Variants in ZNF385B observed in about 807,000 individuals in gnomAD.
ZNF385B encodes zinc finger protein 533.
In ZNF385B, 23 loss-of-function variants were observed where a neutral mutation model predicts 39.2. The observed-to-expected ratio is 0.59, with a 90% CI of 0.42 to 0.83. The LOEUF is 0.83. Among genes scored for constraint, ZNF385B ranks in the 40% least tolerant of loss-of-function variants. The pLI, the probability that ZNF385B is intolerant of heterozygous loss-of-function variation, is 0.00. For synonymous variants in ZNF385B, 205 were observed against 222.6 expected, an observed-to-expected ratio of 0.92 and a Z score of 0.70; for missense variants, 552 against 598.9, an observed-to-expected ratio of 0.92 and a Z score of 0.82.
At chr2:179,446,258 C>G (rs1038764730) in intron 7 of ZNF385B, among the ~76,000 whole-genome samples, 2 of 152,072 alleles carry the variant, frequency 1.3e-5, no homozygotes, top group Non-Finnish European at 2.9e-5. Context: ...TTATCTTCAT[C>G]TTTGTCACTT....
chr2:179,569,341 C>T (rs1684951361), intron 3 of ZNF385B, among the ~76,000 whole-genome samples: 1 of 152,162 alleles, frequency 6.6e-6, no homozygotes, highest in African/African-American at 2.4e-5. Context: ...CCTAAATATG[C>T]ATATTTTACT....
At chr2:179,607,958 A>G (rs1688962549) in intron 3 of ZNF385B, among the ~76,000 whole-genome samples, 1 of 123,392 alleles carries the variant, frequency 8.1e-6, no homozygotes, top group South Asian at 2.5e-4. Context: ...CTTGTTGCCC[A>G]GGCTGGAGTG....
intron 3 of ZNF385B, among the ~76,000 whole-genome samples, chr2:179,620,534 T>C (rs1477265051): frequency 6.6e-6 from 1 of 152,032 alleles, no homozygotes; most frequent in Non-Finnish European, 1.5e-5. Context: ...AAATGCATTC[T>C]CTAAATTGGC....
chr2:179,568,303 T>A (rs12988783), intron 3 of ZNF385B, among the ~76,000 whole-genome samples: 1 of 152,134 alleles, frequency 6.6e-6, no homozygotes, highest in East Asian at 1.9e-4. Flanking sequence ...ATTTACTTCA[T>A]GGCACTTACT....
At chr2:179,781,588 G>T (rs1360147895) in intron 1 of ZNF385B, among the ~76,000 whole-genome samples, 1 of 152,124 alleles carries the variant, frequency 6.6e-6, no homozygotes, top group Non-Finnish European at 1.5e-5. Context: ...AGTAGGCAAA[G>T]ACATAGAAAG....
intron 5 of ZNF385B, among the ~76,000 whole-genome samples, chr2:179,511,066 C>T (rs1020557825): frequency 1.3e-5 from 2 of 152,164 alleles, no homozygotes; most frequent in African/African-American, 4.8e-5. Context: ...TAATGGGGTT[C>T]CTGTTTCCCA....
At chr2:179,654,127 T>C (rs1157339837) in intron 3 of ZNF385B, among the ~76,000 whole-genome samples, 1 of 152,166 alleles carries the variant, frequency 6.6e-6, no homozygotes, top group Non-Finnish European at 1.5e-5. Context: ...ACATCACTTA[T>C]TTCTCACCAA....
chr2:179,475,094 G>A (rs1396231229), intron 6 of ZNF385B, among the ~76,000 whole-genome samples: 1 of 152,080 alleles, frequency 6.6e-6, no homozygotes, highest in African/African-American at 2.4e-5. Flanking sequence ...GCCTTATGCG[G>A]CTACTTAGAA....
In ZNF385B at chr2:179,602,293, T is replaced by C. The variant is rs545798996; in HGVS notation, c.299-57324A>G. Among the ~76,000 whole-genome samples, 4 of 152,228 alleles carry C rather than the reference T, an allele frequency of 2.6e-5. No homozygotes were observed. The South Asian group carries it at 8.3e-4, about 32-fold the overall frequency. On this transcript the variant is annotated intron_variant, in intron 3 of 9. Transcript: ENST00000410066. ...GAGACAAAGGCTCTGTCGCCCTGGG[T>C]TCAAGCGATTCTCGTGCTCAGCCTC...
chr2:179,752,975 T>C (rs1397470323), intron 3 of ZNF385B, among the ~76,000 whole-genome samples: 1 of 152,252 alleles, frequency 6.6e-6, no homozygotes, highest in Non-Finnish European at 1.5e-5. Flanking sequence ...TTGTTGCCAT[T>C]GCTTTTGGTG....
chr2:179,518,445 A>T (rs2058244167), intron 5 of ZNF385B, 83 bp downstream of exon 5: 1 of 1,010,064 alleles, frequency 9.9e-7, no homozygotes, highest in South Asian at 1.5e-5. Context: ...ACAGTATGTA[A>T]ATATGAAGAA....
chr2:179,465,485 T>A (rs568932083), intron 6 of ZNF385B, among the ~76,000 whole-genome samples: 1 of 152,316 alleles, frequency 6.6e-6, no homozygotes, highest in South Asian at 2.1e-4. Flanking sequence ...ATGTATAAGC[T>A]GCTCCACACA....
intron 3 of ZNF385B, among the ~76,000 whole-genome samples, chr2:179,665,539 G>T (rs1695037863): frequency 6.6e-6 from 1 of 152,078 alleles, no homozygotes; most frequent in Non-Finnish European, 1.5e-5. Flanking sequence ...TTTATAACCT[G>T]GCCCTCATTA....
At chr2:179,488,545 G>A (rs2054863787) in intron 5 of ZNF385B, among the ~76,000 whole-genome samples, 1 of 152,182 alleles carries the variant, frequency 6.6e-6, no homozygotes, top group African/African-American at 2.4e-5. Context: ...ACAGTCGAAG[G>A]AAAAACTCAC....
intron 3 of ZNF385B, among the ~76,000 whole-genome samples, chr2:179,654,347 G>A (rs1043561987): frequency 6.6e-6 from 1 of 152,118 alleles, no homozygotes; most frequent in African/African-American, 2.4e-5. Flanking sequence ...GTCTTGAGAA[G>A]CCAGGATGAA....
rs372633554 is a variant in ZNF385B at position 179,757,939 on chromosome 2, G to T, written c.298+11564C>A. On this transcript the variant is annotated intron_variant, in intron 3 of 9. Coordinates refer to ENST00000410066, the MANE Select transcript of ZNF385B (RefSeq NM_152520.6). Reference sequence around the variant, plus strand: ...TGAGGCGATGCCTCACCCTGCTTTGGCTCACGCTCGGTGGGCTGCACTCAC... The same window carrying T: ...TGAGGCGATGCCTCACCCTGCTTTGTCTCACGCTCGGTGGGCTGCACTCAC... 4.6e-5 allele frequency among the ~76,000 whole-genome samples: 7 copies of T among 152,068 alleles called. No individual in the cohort carries two copies. The East Asian group carries it at 9.7e-4, about 21-fold the overall frequency.
chr2:179,762,226 G>T (rs1285349964), intron 3 of ZNF385B, among the ~76,000 whole-genome samples: 1 of 152,106 alleles, frequency 6.6e-6, no homozygotes, highest in Admixed American at 6.6e-5. Flanking sequence ...GTCCTGCTCT[G>T]TTGCCCAGGC....
chr2:179,531,660 T>G (rs2059261228), intron 4 of ZNF385B, among the ~76,000 whole-genome samples: 1 of 152,036 alleles, frequency 6.6e-6, no homozygotes, highest in Admixed American at 6.6e-5. Context: ...AATAGAAATA[T>G]ATAAATAAAT....
At chr2:179,564,730 C>T (rs987124373) in intron 3 of ZNF385B, among the ~76,000 whole-genome samples, 1 of 152,094 alleles carries the variant, frequency 6.6e-6, no homozygotes, top group Non-Finnish European at 1.5e-5. Flanking sequence ...AGAATATAAT[C>T]CCATTTCTAA....
Sources: allele counts gnomAD v4.1 joint callset (sites outside exome capture counted in the v4.1 genomes callset), GRCh38; gene constraint gnomAD v4.1.1; transcripts MANE v1.5; gene names NCBI Gene and HGNC (gene_info 2026-07-23, HGNC 2026-07-21).